The following AHI1 variants were observed in gnomAD, a reference collection of about 807,000 sequenced individuals.
AHI1 encodes Abelson helper integration site 1, also known as jouberin.
In AHI1, 123 loss-of-function variants were observed where a neutral mutation model predicts 149.3. That is an observed-to-expected ratio of 0.82 (90% CI 0.71 to 0.96). The LOEUF (loss-of-function observed/expected upper bound fraction) is 0.96. AHI1 is among the 40% of genes least tolerant of loss of function. AHI1 has a pLI of 0.00. For missense variants in AHI1, 1,439 were observed against 1,422.7 expected, an observed-to-expected ratio of 1.01 and a Z score of -0.18; for synonymous variants, 475 against 459.8, an observed-to-expected ratio of 1.03 and a Z score of -0.42.
At chr6:135,420,186 G>C (rs1011969380) in intron 20 of AHI1, among the ~76,000 whole-genome samples, 1 of 152,094 alleles carries the variant, frequency 6.6e-6, no homozygotes, top group Non-Finnish European at 1.5e-5. Flanking sequence ...CCAAACTTCT[G>C]TTAGTGTCCA....
intron 24 of AHI1, among the ~76,000 whole-genome samples, chr6:135,336,373 G>T (rs1034015768): frequency 4.6e-5 from 7 of 152,140 alleles, no homozygotes; most frequent in Admixed American, 2.6e-4. Context: ...TGAGGTGGGC[G>T]GATCGCTTGA....
chr6:135,370,047 TTATGGGTCA>T lies in AHI1; in HGVS notation c.3110-11869_3110-11861del, dbSNP rs1203162503. Among the ~76,000 whole-genome samples the T allele has an allele frequency of 5.6e-4, 85 of 152,346 alleles. 4 individuals carry two copies. The highest frequency in any genetic ancestry group is 5.6e-3 in the Admixed American group (85 of 15,304). On this transcript the variant is annotated intron_variant, in intron 23 of 28. Coordinates refer to ENST00000265602, the MANE Select transcript of AHI1 (RefSeq NM_001134831.2). ...TTTTATTCATTGTTCTTTTTCTTTGTTATGGGTCATCTATTTCTGCTAATTCACATGCCT... is the reference window on the plus strand; with the variant it reads ...TTTTATTCATTGTTCTTTTTCTTTGTTCTATTTCTGCTAATTCACATGCCT...
chr6:135,349,494 G>A (rs1002699025), intron 24 of AHI1, among the ~76,000 whole-genome samples: 7 of 152,154 alleles, frequency 4.6e-5, no homozygotes, highest in Non-Finnish European at 1.0e-4. Context: ...CAAGCACTGA[G>A]TTTATGAAGG....
chr6:135,490,811 T>C, intron 4 of AHI1, 64 bp from the exon 5 acceptor site: 1 of 1,543,680 alleles, frequency 6.5e-7, no homozygotes, highest in Non-Finnish European at 8.7e-7. Flanking sequence ...CCTACACTAC[T>C]AGGATGTTAA....
At chr6:135,475,356 T>G (rs1792433311) in intron 5 of AHI1, among the ~76,000 whole-genome samples, 1 of 152,210 alleles carries the variant, frequency 6.6e-6, no homozygotes, top group Admixed American at 6.5e-5. Flanking sequence ...CCTGGGTTGC[T>G]AAAAAGCTGC....
At chr6:135,387,298 A>C (rs1777749287) in intron 23 of AHI1, among the ~76,000 whole-genome samples, 1 of 152,220 alleles carries the variant, frequency 6.6e-6, no homozygotes, top group African/African-American at 2.4e-5. Context: ...GTCAAATTCT[A>C]AGAGAAACAG....
At chr6:135,462,335 A>T (rs190051949) in intron 8 of AHI1, among the ~76,000 whole-genome samples, 1 of 152,190 alleles carries the variant, frequency 6.6e-6, no homozygotes, top group East Asian at 1.9e-4. Flanking sequence ...AACAAACAAG[A>T]AAAGAAGAAG....
intron 6 of AHI1, among the ~76,000 whole-genome samples, chr6:135,467,017 G>A (rs1054159494): frequency 6.6e-6 from 1 of 152,016 alleles, no homozygotes; most frequent in Non-Finnish European, 1.5e-5. Context: ...CAAGGAAGAG[G>A]AGGAGGGGAT....
intron 23 of AHI1, among the ~76,000 whole-genome samples, chr6:135,373,069 C>T (rs890993193): frequency 6.6e-6 from 1 of 152,204 alleles, no homozygotes. Flanking sequence ...CCTGAGTTAA[C>T]GTACTAGGAC....
At chr6:135,455,539 C>A (rs1259473714) in intron 10 of AHI1, among the ~76,000 whole-genome samples, 195 bp downstream of exon 10, 1 of 152,170 alleles carries the variant, frequency 6.6e-6, no homozygotes, top group Non-Finnish European at 1.5e-5. Flanking sequence ...ATAGTAAACA[C>A]TCAGCAAATA....
At chr6:135,481,480 C>T (rs562551798) in intron 5 of AHI1, among the ~76,000 whole-genome samples, 11 of 152,116 alleles carry the variant, frequency 7.2e-5, no homozygotes, top group African/African-American at 2.6e-4. Flanking sequence ...TTCCTTTGAG[C>T]ATATTCATGC....
Position 135,442,675 on chromosome 6 carries a change from C to A in AHI1, c.1819G>T (p.Ala607Ser), listed in dbSNP as rs1192276301. ...IPNKHLFSLN[A>S]GERGCFCLDF... ...AGACAAAAACATCCTCGTTCTCCTG[C>A]ATTTAGTGAGAAGAGGTGTTTGTTT... is the stretch of plus-strand genomic sequence containing the variant. The change falls in exon 14 of 29, where the codon GCA becomes TCA. Residue 607 changes from alanine to serine, a missense_variant. Coordinates refer to ENST00000265602, the MANE Select transcript of AHI1 (RefSeq NM_001134831.2). The A allele has an allele frequency of 1.9e-6, 3 of 1,611,342 alleles. No homozygotes were observed. In the South Asian group the frequency reaches 3.3e-5, roughly 18 times the overall value.
Position 135,285,570 on chromosome 6 carries a change from C to T in AHI1, c.*75G>A. 2.7e-6 allele frequency: 4 copies of T among 1,500,300 alleles called. No individual in the cohort carries two copies. The Admixed American group carries it at 7.1e-5, about 26-fold the overall frequency. 92.9% of individuals were successfully genotyped at this position (1,500,300 alleles called of 1,614,324 possible). A position where few individuals can be genotyped will look rare whatever the true frequency, so the allele number is the denominator to read the frequency against. ...CCTTAGTATCTGAAAATTCTGAACT[C>T]TGAAGAGAAATTCCATTTGGTTTGT... is the stretch of plus-strand genomic sequence containing the variant. On this transcript the variant is annotated 3_prime_UTR_variant, in exon 29 of 29. Coordinates refer to ENST00000265602, the MANE Select transcript of AHI1 (RefSeq NM_001134831.2).
At chr6:135,309,101 C>T (rs1784849934) in intron 26 of AHI1, among the ~76,000 whole-genome samples, 1 of 152,172 alleles carries the variant, frequency 6.6e-6, no homozygotes, top group South Asian at 2.1e-4. Context: ...AGTTGCCAGA[C>T]CTTCAAGAGA....
intron 8 of AHI1, 75 bp from the exon 9 acceptor site, chr6:135,457,788 T>G (rs1789216298): frequency 1.5e-6 from 2 of 1,374,914 alleles, no homozygotes; most frequent in Non-Finnish European, 2.1e-6. Context: ...ACCTAATCTT[T>G]AAGATCTGTG....
At chr6:135,403,206 G>C (rs933663333) in intron 22 of AHI1, among the ~76,000 whole-genome samples, 3 of 152,046 alleles carry the variant, frequency 2.0e-5, no homozygotes, top group African/African-American at 7.2e-5. Context: ...CTTCATTCAG[G>C]GGTGATGAAA....
Position 135,429,992 on chromosome 6 carries a change from T to C in AHI1, c.2382A>G (p.Lys794=), listed in dbSNP as rs191682790. The part of the protein sequence containing the change: ...VHHWTINKEI[K]ETEFKGIPIS... ...TTGGAATTCCCTTAAACTCAGTTTC[T>C]TTAATTTCCTAAAATGATTAAAAAA... Residue 794 remains lysine, a synonymous_variant, in exon 18 of 29, where the codon AAA becomes AAG. Coordinates refer to ENST00000265602, the MANE Select transcript of AHI1 (RefSeq NM_001134831.2). 779 of 1,530,120 alleles carry C rather than the reference T, an allele frequency of 5.1e-4. No individual in the cohort carries two copies. The highest frequency in any genetic ancestry group is 6.2e-4 in the Non-Finnish European group (695 of 1,126,134). The allele number at this position is 1,530,120 out of a possible 1,614,324, so 94.8% of individuals were successfully genotyped here.
At chr6:135,390,877 T>C (rs560175180) in intron 23 of AHI1, among the ~76,000 whole-genome samples, 1 of 152,316 alleles carries the variant, frequency 6.6e-6, no homozygotes, top group South Asian at 2.1e-4. Context: ...TGTTATTGTT[T>C]CATAGATTTT....
intron 26 of AHI1, chr6:135,302,574 C>T (rs1269345133): frequency 9.0e-6 from 10 of 1,110,840 alleles, no homozygotes; most frequent in Non-Finnish European, 1.1e-5. Flanking sequence ...TTTAATGATG[C>T]AGAGGCAGCT....
Sources: gnomAD v4.1 joint callset for allele counts (sites outside exome capture counted in the v4.1 genomes callset) on GRCh38, gnomAD v4.1.1 for gene constraint, MANE v1.5 for transcripts, NCBI Gene and HGNC (gene_info 2026-07-23, HGNC 2026-07-21) for gene names.